The following FRMD6 variants were observed in gnomAD, a reference collection of about 807,000 sequenced individuals.
FRMD6 encodes the protein FERM domain containing 6, also known as FERM domain-containing protein 6.
FRMD6 carries 37 observed loss-of-function variants against 73.2 expected under a neutral mutation model. That is an observed-to-expected ratio of 0.51 (90% confidence interval 0.39 to 0.66). The LOEUF (loss-of-function observed/expected upper bound fraction) is 0.66, where lower values mean the gene tolerates loss of function less well. Among genes scored for constraint, FRMD6 ranks in the 30% least tolerant of loss-of-function variants. The probability of loss-of-function intolerance (pLI) is 0.00; values close to 1 mark genes in which losing one functional copy is unlikely to be tolerated. For missense variants in FRMD6, 714 were observed against 780.5 expected (o/e 0.91, Z 1.02); for synonymous variants, 273 against 282.2 (o/e 0.97, Z 0.33).
intron 1 of FRMD6, among the ~76,000 whole-genome samples, chr14:51,560,812 C>T (rs907991844): frequency 2.0e-5 from 3 of 152,058 alleles, no homozygotes; most frequent in African/African-American, 7.2e-5. Flanking sequence ...TACCCAGAGT[C>T]CTCTCAAAGG....
the FRMD6 span, among the ~76,000 whole-genome samples, chr14:51,447,627 G>A: frequency 8.8e-3 from 1,343 of 152,246 alleles, 16 homozygotes; most frequent in Middle Eastern, 0.024. Flanking sequence ...AAGAATTGGC[G>A]TCTCGCCTAC....
At chr14:51,727,237 GT>G (rs530543735) in intron 13 of FRMD6, among the ~76,000 whole-genome samples, 51 of 150,904 alleles carry the variant, frequency 3.4e-4, no homozygotes, top group African/African-American at 1.2e-3. Flanking sequence ...GTAATAATTG[GT>G]TTATTTTCCT....
At chr14:51,469,551 T>C in the FRMD6 span, among the ~76,000 whole-genome samples, 43 of 145,982 alleles carry the variant, frequency 2.9e-4, no homozygotes, top group Non-Finnish European at 5.1e-4. Context: ...AGGCGGAGCT[T>C]GCAGTGAGCC....
chr14:51,412,830 C>T, the FRMD6 span, among the ~76,000 whole-genome samples: 3,182 of 151,328 alleles, frequency 0.021, 126 homozygotes, highest in African/African-American at 0.073. Context: ...CCAGTCTGGG[C>T]GACTGAGCAA....
At chr14:51,634,340 G>C (rs563134773) in intron 2 of FRMD6, among the ~76,000 whole-genome samples, 1 of 152,312 alleles carries the variant, frequency 6.6e-6, no homozygotes, top group South Asian at 2.1e-4. Flanking sequence ...TGCCATATTT[G>C]TATGACTTGT....
At chr14:51,472,417 C>G in the FRMD6 span, among the ~76,000 whole-genome samples, 1 of 152,158 alleles carries the variant, frequency 6.6e-6, no homozygotes, top group Non-Finnish European at 1.5e-5. Context: ...CATTCTCCTG[C>G]TTCAGCCTCC....
At chr14:51,402,223 A>G in the FRMD6 span, among the ~76,000 whole-genome samples, 1 of 152,220 alleles carries the variant, frequency 6.6e-6, no homozygotes, top group South Asian at 2.1e-4. Flanking sequence ...TGGGGAGTTT[A>G]TTTGAACTCC....
At chr14:51,493,245 T>C (rs1883116652) in intron 1 of FRMD6, among the ~76,000 whole-genome samples, 1 of 152,218 alleles carries the variant, frequency 6.6e-6, no homozygotes, top group Non-Finnish European at 1.5e-5. Flanking sequence ...GCAATATGTG[T>C]TTACTACTTT....
chr14:51,574,977 A>G (rs993474951), intron 2 of FRMD6, among the ~76,000 whole-genome samples: 4 of 152,212 alleles, frequency 2.6e-5, no homozygotes, highest in Non-Finnish European at 5.9e-5. Flanking sequence ...ATAAAAATTA[A>G]AAATAAAATA....
chr14:51,421,290 T>C, the FRMD6 span, among the ~76,000 whole-genome samples: 6 of 152,086 alleles, frequency 3.9e-5, no homozygotes, highest in Admixed American at 1.3e-4. Flanking sequence ...GATTGAGAAG[T>C]AGGAAAAGCT....
Position 51,679,119 on chromosome 14 carries a change from TA to T in FRMD6, c.-146-10570del, listed in dbSNP as rs1048155723. Reference sequence around the variant, plus strand: ...GATATGTATGATCAGATATGCAATTTAAGAGGTCACCCTGGCAGCATTGTGG... The same window carrying T: ...GATATGTATGATCAGATATGCAATTTAGAGGTCACCCTGGCAGCATTGTGG... On this transcript the variant is annotated intron_variant, in intron 1 of 13. Transcript: ENST00000344768. 2.2e-4 allele frequency among the ~76,000 whole-genome samples: 34 copies of T among 152,160 alleles called. 2 individuals carry two copies. The East Asian group carries it at 2.5e-3, about 11-fold the overall frequency.
chr14:51,585,705 T>G (rs1465666268), intron 2 of FRMD6, among the ~76,000 whole-genome samples: 1 of 151,572 alleles, frequency 6.6e-6, no homozygotes, highest in Non-Finnish European at 1.5e-5. Flanking sequence ...CCTTGCCCGA[T>G]TCCCACCCTC....
intron 2 of FRMD6, among the ~76,000 whole-genome samples, chr14:51,571,003 G>A (rs957882455): frequency 5.9e-5 from 9 of 152,194 alleles, no homozygotes; most frequent in African/African-American, 1.9e-4. Context: ...CTTTGAGGAG[G>A]AAAATAGTCA....
At chr14:51,717,766 C>A (rs1897316000) in intron 10 of FRMD6, among the ~76,000 whole-genome samples, 1 of 152,136 alleles carries the variant, frequency 6.6e-6, no homozygotes. Context: ...TAAAAAGAGT[C>A]TGTGTTTTTC....
At chr14:51,621,547 TG>T (rs1426849912) in intron 2 of FRMD6, among the ~76,000 whole-genome samples, 2 of 152,178 alleles carry the variant, frequency 1.3e-5, no homozygotes, top group African/African-American at 4.8e-5. Context: ...TTCGAGAAGA[TG>T]GGTGGATCTT....
chr14:51,600,458 A>G (rs1889977733), intron 2 of FRMD6, among the ~76,000 whole-genome samples: 1 of 152,232 alleles, frequency 6.6e-6, no homozygotes, highest in Non-Finnish European at 1.5e-5. Flanking sequence ...TACCAAAGGG[A>G]GAAGAGTTCA....
chr14:51,706,238 C>T (rs547344366), intron 6 of FRMD6, among the ~76,000 whole-genome samples: 3 of 152,174 alleles, frequency 2.0e-5, no homozygotes, highest in Admixed American at 6.5e-5. Flanking sequence ...TTTTTATTGC[C>T]ATTAGCCTTC....
chr14:51,587,714 A>G (rs1889134533), intron 2 of FRMD6, among the ~76,000 whole-genome samples: 1 of 152,158 alleles, frequency 6.6e-6, no homozygotes, highest in Non-Finnish European at 1.5e-5. Context: ...GGTTGTGCAG[A>G]CCCATCTAGA....
intron 1 of FRMD6, among the ~76,000 whole-genome samples, chr14:51,552,309 G>A (rs1386746682): frequency 6.6e-6 from 1 of 152,160 alleles, no homozygotes; most frequent in Non-Finnish European, 1.5e-5. Flanking sequence ...AATCCTATTT[G>A]GACTAATTTA....
Sources: allele counts gnomAD v4.1 joint callset (sites outside exome capture counted in the v4.1 genomes callset), GRCh38; gene constraint gnomAD v4.1.1; transcripts MANE v1.5; gene names NCBI Gene and HGNC (gene_info 2026-07-23, HGNC 2026-07-21).